AGTPBP1: variants seen among roughly 807,000 people sequenced by gnomAD.
The protein encoded by AGTPBP1 is cytosolic carboxypeptidase 1.
Under a neutral mutation model 143.9 loss-of-function variants are expected in AGTPBP1, and 70 were observed. The ratio of observed to expected loss-of-function variants is 0.49; its 90% CI spans 0.40 to 0.59. AGTPBP1 has a LOEUF of 0.59. AGTPBP1 is among the 20% of genes least tolerant of loss of function. AGTPBP1 has a pLI of 0.00. For missense variants in AGTPBP1, 1,229 were observed against 1,464.5 expected (o/e 0.84, Z 2.62); for synonymous variants, 463 against 500.2 (o/e 0.93, Z 0.99).
chr9:85,748,502 T>C, the AGTPBP1 span, among the ~76,000 whole-genome samples: 3 of 152,206 alleles, frequency 2.0e-5, no homozygotes, highest in East Asian at 3.9e-4. Context: ...GCCTCTCCCC[T>C]AGGTTGTCTT....
At chr9:85,796,754 A>C in the AGTPBP1 span, among the ~76,000 whole-genome samples, 1 of 152,164 alleles carries the variant, frequency 6.6e-6, no homozygotes, top group Non-Finnish European at 1.5e-5. Flanking sequence ...ATACCCCATA[A>C]ATATATACAT....
intron 1 of AGTPBP1, chr9:85,741,445 G>T: frequency 1.0e-6 from 1 of 985,308 alleles, no homozygotes; most frequent in Non-Finnish European, 1.2e-6. Flanking sequence ...GAGAGAAAGG[G>T]CTGAGCAGAA....
intron 1 of AGTPBP1, among the ~76,000 whole-genome samples, chr9:85,715,992 C>T (rs763569540): frequency 3.3e-5 from 5 of 152,094 alleles, no homozygotes; most frequent in Non-Finnish European, 7.4e-5. Flanking sequence ...AAAACTTTCT[C>T]GCTCCCAATT....
the AGTPBP1 span, among the ~76,000 whole-genome samples, chr9:85,776,592 T>C: frequency 1.3e-5 from 2 of 152,242 alleles, no homozygotes; most frequent in Non-Finnish European, 2.9e-5. Flanking sequence ...ACCTCTGTTA[T>C]GGAGTAGTAG....
intron 1 of AGTPBP1, among the ~76,000 whole-genome samples, chr9:85,725,717 C>A (rs1298065962): frequency 6.6e-6 from 1 of 152,120 alleles, no homozygotes; most frequent in East Asian, 1.9e-4. Flanking sequence ...CGAGACTAGC[C>A]TGCACAATAT....
intron 17 of AGTPBP1, among the ~76,000 whole-genome samples, chr9:85,604,204 T>A (rs1420171285): frequency 2.0e-5 from 3 of 152,124 alleles, no homozygotes; most frequent in Non-Finnish European, 1.5e-5. Flanking sequence ...CCCAGTATAG[T>A]ACCAGCGGTG....
At chr9:85,640,880 C>G (rs1393119363) in intron 13 of AGTPBP1, among the ~76,000 whole-genome samples, 1 of 152,176 alleles carries the variant, frequency 6.6e-6, no homozygotes, top group Non-Finnish European at 1.5e-5. Flanking sequence ...GCCCTCTTAA[C>G]TAAGGTTTTG....
In AGTPBP1 at chr9:85,646,346, T is replaced by C; in HGVS notation, c.1160A>G (p.Glu387Gly). Residue 387 changes from glutamate to glycine, a missense_variant, in exon 12 of 26, where the codon GAA (glutamate) becomes GGA (glycine). Physicochemically the swap from Glu to Gly is moderately conservative, Grantham distance 98. This residue lies in a region of AGTPBP1 where 743 missense variants were observed against 812.2 expected (regional missense o/e 0.91). Coordinates refer to ENST00000357081, the MANE Select transcript of AGTPBP1 (RefSeq NM_001330701.2). ...CTTAAAATTTTGATCTAGGTCATCTTCATTCTCAGTTTCGTTTTCAGCTTC... is the reference window on the plus strand; with the variant it reads ...CTTAAAATTTTGATCTAGGTCATCTCCATTCTCAGTTTCGTTTTCAGCTTC... Reference protein sequence around the residue: ...DVEAENETENEDDLDQNFKND... With the variant: ...DVEAENETENGDDLDQNFKND... 6.2e-7 allele frequency: 1 copy of C among 1,612,918 alleles called. No individual in the cohort carries two copies. Among genetic ancestry groups the C allele is most frequent in the Non-Finnish European group, 8.5e-7 (1 of 1,179,642 alleles).
intron 25 of AGTPBP1, among the ~76,000 whole-genome samples, chr9:85,555,760 ATAATATGAAATTTT>A (rs1826300693): frequency 6.6e-6 from 1 of 152,202 alleles, no homozygotes; most frequent in African/African-American, 2.4e-5. Flanking sequence ...TGAAGGTGAA[ATAATATGAAATTTT>A]TCAAATAAAT....
At chr9:85,626,735 A>G (rs1443081385) in intron 14 of AGTPBP1, among the ~76,000 whole-genome samples, 1 of 152,176 alleles carries the variant, frequency 6.6e-6, no homozygotes, top group Non-Finnish European at 1.5e-5. Context: ...CAGCCATTCA[A>G]CTCTGCCATG....
intron 2 of AGTPBP1, among the ~76,000 whole-genome samples, chr9:85,701,132 G>C (rs951498162): frequency 6.6e-6 from 1 of 151,080 alleles, no homozygotes; most frequent in East Asian, 2.0e-4. Context: ...GGCTGGTCTT[G>C]AACTCCTGGC....
chr9:85,605,483 C>A (rs1200415803), intron 17 of AGTPBP1, among the ~76,000 whole-genome samples: 1 of 152,052 alleles, frequency 6.6e-6, no homozygotes, highest in Non-Finnish European at 1.5e-5. Context: ...ACTTGTCCTA[C>A]AAGAGATGCT....
chr9:85,762,485 G>A, the AGTPBP1 span, among the ~76,000 whole-genome samples: 1 of 152,052 alleles, frequency 6.6e-6, no homozygotes, highest in African/African-American at 2.4e-5. Context: ...CATGGATGAA[G>A]CTGGAAACCA....
chr9:85,774,307 T>C, the AGTPBP1 span, among the ~76,000 whole-genome samples: 1 of 152,130 alleles, frequency 6.6e-6, no homozygotes, highest in Non-Finnish European at 1.5e-5. Context: ...TTGGTCTAGT[T>C]TTTATGTAGA....
intron 14 of AGTPBP1, among the ~76,000 whole-genome samples, chr9:85,631,980 T>C (rs1355268335): frequency 6.6e-6 from 1 of 152,186 alleles, no homozygotes; most frequent in Non-Finnish European, 1.5e-5. Flanking sequence ...TATTTCCAAT[T>C]AAAATGTTTT....
At chr9:85,611,685 CAA>C (rs1830326337) in intron 17 of AGTPBP1, among the ~76,000 whole-genome samples, 1 of 151,868 alleles carries the variant, frequency 6.6e-6, no homozygotes, top group Non-Finnish European at 1.5e-5. Flanking sequence ...AAATATGAAA[CAA>C]TATATTTTTG....
intron 25 of AGTPBP1, among the ~76,000 whole-genome samples, chr9:85,558,103 T>C (rs1446186847): frequency 6.6e-6 from 1 of 152,228 alleles, no homozygotes; most frequent in African/African-American, 2.4e-5. Flanking sequence ...TATTTATTAG[T>C]TGCATCAGGA....
chr9:85,572,700 T>C (rs986703654), intron 25 of AGTPBP1, among the ~76,000 whole-genome samples: 2 of 152,192 alleles, frequency 1.3e-5, no homozygotes, highest in East Asian at 3.8e-4. Context: ...AACGGTCTGT[T>C]GACTACATGT....
the AGTPBP1 span, among the ~76,000 whole-genome samples, chr9:85,779,786 G>A: frequency 6.6e-6 from 1 of 152,148 alleles, no homozygotes; most frequent in Admixed American, 6.5e-5. Context: ...TTTGAACCCA[G>A]GAGGTTGAAG....
Sources: allele counts gnomAD v4.1 joint callset (sites outside exome capture counted in the v4.1 genomes callset), GRCh38; gene constraint gnomAD v4.1.1; regional missense constraint gnomAD v4.1.1; transcripts MANE v1.5; gene names NCBI Gene and HGNC (gene_info 2026-07-23, HGNC 2026-07-21).